Variants in RIMS1 observed in about 807,000 individuals in gnomAD.
RIMS1 encodes regulating synaptic membrane exocytosis 1.
RIMS1 carries 83 observed loss-of-function variants against 214.1 expected under a neutral mutation model. The observed-to-expected ratio is 0.39, with a 90% confidence interval of 0.32 to 0.47. The LOEUF (loss-of-function observed/expected upper bound fraction) is 0.47, where lower values mean the gene tolerates loss of function less well. Ranked by LOEUF, RIMS1 falls within the 20% of genes least tolerant of loss-of-function variation. The pLI is 0.99. For missense variants in RIMS1, 2,050 were observed against 2,161.8 expected, an observed-to-expected ratio of 0.95 and a Z score of 1.03; for synonymous variants, 793 against 786.8, an observed-to-expected ratio of 1.01 and a Z score of -0.13.
intron 4 of RIMS1, among the ~76,000 whole-genome samples, chr6:72,155,151 T>C (rs1215021393): frequency 7.1e-6 from 1 of 140,838 alleles, no homozygotes; most frequent in African/African-American, 2.5e-5. Context: ...TCCAGGCCTG[T>C]GATGAGAGGA....
At chr6:72,398,866 T>A (rs191807786) in intron 32 of RIMS1, 89 bp from the exon 33 acceptor site, 3 of 759,676 alleles carry the variant, frequency 3.9e-6, no homozygotes, top group Non-Finnish European at 6.3e-6. Context: ...TCAGTAAGCA[T>A]CTCTAATTCT....
intron 1 of RIMS1, among the ~76,000 whole-genome samples, chr6:71,903,148 T>C (rs1166911001): frequency 6.6e-6 from 1 of 152,268 alleles, no homozygotes; most frequent in East Asian, 1.9e-4. Context: ...CCACCAACAG[T>C]GTAGAAGCAT....
At chr6:72,376,221 G>C (rs1353739701) in intron 29 of RIMS1, among the ~76,000 whole-genome samples, 1 of 152,124 alleles carries the variant, frequency 6.6e-6, no homozygotes, top group Non-Finnish European at 1.5e-5. Context: ...ATATGTGCTA[G>C]CATACCCTTG....
intron 2 of RIMS1, among the ~76,000 whole-genome samples, chr6:72,013,923 C>G (rs1175542486): frequency 6.6e-6 from 1 of 152,150 alleles, no homozygotes; most frequent in Non-Finnish European, 1.5e-5. Flanking sequence ...CACTAATCTA[C>G]TTTCTGTCTC....
intron 2 of RIMS1, among the ~76,000 whole-genome samples, chr6:71,989,588 G>T (rs1287999596): frequency 6.6e-6 from 1 of 152,158 alleles, no homozygotes; most frequent in Non-Finnish European, 1.5e-5. Flanking sequence ...CAAAATATTG[G>T]CAAACAGTTG....
At chr6:72,219,150 A>G (rs1209443793) in intron 6 of RIMS1, among the ~76,000 whole-genome samples, 2 of 152,198 alleles carry the variant, frequency 1.3e-5, no homozygotes, top group African/African-American at 4.8e-5. Flanking sequence ...TTAATAAGTA[A>G]AACAAATGCT....
intron 6 of RIMS1, among the ~76,000 whole-genome samples, chr6:72,192,771 A>G (rs2050264683): frequency 6.6e-6 from 1 of 152,156 alleles, no homozygotes. Context: ...CCAGTTGCAC[A>G]GATGGAGGGC....
intron 29 of RIMS1, among the ~76,000 whole-genome samples, chr6:72,376,460 A>G (rs1190588443): frequency 1.3e-5 from 2 of 152,128 alleles, no homozygotes; most frequent in African/African-American, 2.4e-5. Flanking sequence ...AAACTCTATA[A>G]AAAAGAAGAA....
intron 1 of RIMS1, among the ~76,000 whole-genome samples, chr6:71,960,529 GT>G (rs1430815624): frequency 3.3e-5 from 5 of 152,088 alleles, no homozygotes; most frequent in African/African-American, 1.2e-4. Context: ...CCATGATGAT[GT>G]TTCACACAGA....
chr6:72,191,653 C>G (rs1383939462), intron 6 of RIMS1, among the ~76,000 whole-genome samples: 1 of 152,204 alleles, frequency 6.6e-6, no homozygotes, highest in Non-Finnish European at 1.5e-5. Context: ...TTTGATGGGC[C>G]TTATGGACAA....
intron 2 of RIMS1, among the ~76,000 whole-genome samples, chr6:72,077,386 C>A (rs933558460): frequency 6.6e-6 from 1 of 152,194 alleles, no homozygotes; most frequent in African/African-American, 2.4e-5. Context: ...GTTTATATCA[C>A]CAGTGCCTCA....
chr6:72,072,485 A>G (rs1830788716), intron 2 of RIMS1, among the ~76,000 whole-genome samples: 1 of 152,188 alleles, frequency 6.6e-6, no homozygotes, highest in African/African-American at 2.4e-5. Context: ...TTGAATTTGG[A>G]TAAGTGGTGG....
intron 25 of RIMS1, 133 bp downstream of exon 25, chr6:72,290,994 A>C (rs1265986210): frequency 1.3e-6 from 1 of 744,408 alleles, no homozygotes; most frequent in African/African-American, 1.8e-5. Context: ...TGTGACACTT[A>C]AATCTCTCTC....
chr6:71,895,621 C>T (rs1167117117), intron 1 of RIMS1, among the ~76,000 whole-genome samples: 1 of 130,756 alleles, frequency 7.6e-6, no homozygotes, highest in African/African-American at 3.0e-5. Context: ...TTGCAGTAAG[C>T]TGAGATTGTG....
intron 2 of RIMS1, among the ~76,000 whole-genome samples, chr6:72,090,146 T>G (rs181438168): frequency 1.3e-5 from 2 of 152,040 alleles, no homozygotes; most frequent in Non-Finnish European, 2.9e-5. Flanking sequence ...ATTGTGCACA[T>G]GTACCCTAAA....
chr6:72,017,260 A>G (rs1232760965), intron 2 of RIMS1, among the ~76,000 whole-genome samples: 1 of 152,210 alleles, frequency 6.6e-6, no homozygotes, highest in Non-Finnish European at 1.5e-5. Flanking sequence ...ATTTCATTTT[A>G]ATGGGAGCAC....
intron 29 of RIMS1, among the ~76,000 whole-genome samples, chr6:72,365,240 C>T (rs1028578622): frequency 1.3e-5 from 2 of 152,232 alleles, no homozygotes; most frequent in African/African-American, 4.8e-5. Flanking sequence ...TTTCTCTGTG[C>T]CTTCTCTTCC....
Position 72,182,555 on chromosome 6 carries a change from G to A in RIMS1, c.1084G>A (p.Ala362Thr). 6.4e-7 allele frequency: 1 copy of A among 1,551,432 alleles called. No homozygotes were observed. The highest frequency in any genetic ancestry group is 8.7e-7 in the Non-Finnish European group (1 of 1,148,208). ...QTRYRSDPNLARYPVKPPPEE... is the reference protein window; with the variant it reads ...QTRYRSDPNLTRYPVKPPPEE... ...CAGGTACCGCAGCGACCCGAACCTA[G>A]CTCGGTACCCGGTGAAACCGCCGCC... Residue 362 changes from alanine (A) to threonine (T), a missense_variant, in exon 6 of 34, where the codon GCT (alanine) becomes ACT (threonine). Coordinates refer to ENST00000521978, the MANE Select transcript of RIMS1 (RefSeq NM_014989.7).
At chr6:72,300,566 AT>A (rs971159928) in intron 26 of RIMS1, among the ~76,000 whole-genome samples, 1 of 151,774 alleles carries the variant, frequency 6.6e-6, no homozygotes, top group African/African-American at 2.4e-5. Context: ...TGGTTTTGTT[AT>A]CCCCCAAAGA....
Sources: allele counts gnomAD v4.1 joint callset (sites outside exome capture counted in the v4.1 genomes callset), GRCh38; gene constraint gnomAD v4.1.1; transcripts MANE v1.5; gene names NCBI Gene and HGNC (gene_info 2026-07-23, HGNC 2026-07-21).